NFYC: variants seen among roughly 807,000 people sequenced by gnomAD.
NFYC encodes CAAT box DNA-binding protein subunit C.
In NFYC, 25 loss-of-function variants were observed where a neutral mutation model predicts 53.1. The ratio of observed to expected loss-of-function variants is 0.47; its 90% CI spans 0.34 to 0.66. The LOEUF is 0.66. Among genes scored for constraint, NFYC ranks in the 30% least tolerant of loss-of-function variants. The pLI, the probability that NFYC is intolerant of heterozygous loss-of-function variation, is 0.01. For synonymous variants in NFYC, 145 were observed against 152.6 expected, an observed-to-expected ratio of 0.95 and a Z score of 0.37; for missense variants, 260 against 422.7, an observed-to-expected ratio of 0.62 and a Z score of 3.38.
chr1:40,703,170 C>T (rs1387781035), intron 1 of NFYC, among the ~76,000 whole-genome samples: 1 of 151,998 alleles, frequency 6.6e-6, no homozygotes, highest in Non-Finnish European at 1.5e-5. Flanking sequence ...AAAGATTTGA[C>T]ATTAAAACAG....
chr1:40,731,234 G>T (rs543694906), intron 1 of NFYC, among the ~76,000 whole-genome samples: 3 of 152,228 alleles, frequency 2.0e-5, no homozygotes, highest in African/African-American at 7.2e-5. Context: ...GAGTGCAGTG[G>T]CATGATCTTG....
Position 40,770,576 on chromosome 1 carries a change from C to T in NFYC, c.889-133C>T. 6.2e-7 allele frequency: 1 copy of T among 1,607,790 alleles called. No individual in the cohort carries two copies. Among genetic ancestry groups the T allele is most frequent in the Non-Finnish European group, 8.5e-7 (1 of 1,177,126 alleles). On this transcript the variant is annotated intron_variant, in intron 9 of 9. Coordinates refer to ENST00000447388, the MANE Select transcript of NFYC (RefSeq NM_014223.5). The surrounding 1 kb of genome is among the most constrained non-coding windows in gnomAD (Gnocchi z 5.3). ...CCCAACCCCAGCAGAGCTCCACTTC[C>T]CCTCCTCCTTCTGACGCCTTGCAGT...
In NFYC at chr1:40,733,019, C is replaced by CCCCTT. The variant is rs35467973; in HGVS notation, c.-8-5817_-8-5816insCCCTT. ...GCTTTCCAAGATTCGCCCCCCCCCC[C>CCCCTT]TTTTTTTTTTTTCCTGAAAGGCCAT... On this transcript the variant is annotated intron_variant, in intron 1 of 9. Coordinates refer to ENST00000447388, the MANE Select transcript of NFYC (RefSeq NM_014223.5). Among the ~76,000 whole-genome samples, 5 of 103,188 alleles carry CCCCTT rather than the reference C, an allele frequency of 4.8e-5. No individual in the cohort carries two copies. The South Asian group carries it at 1.8e-3, about 38-fold the overall frequency. The allele number at this position is 103,188 out of a possible 152,430, so 67.7% of individuals were successfully genotyped here.
At chr1:40,746,297 G>A (rs1385107871) in intron 2 of NFYC, among the ~76,000 whole-genome samples, 1 of 152,102 alleles carries the variant, frequency 6.6e-6, no homozygotes, top group East Asian at 1.9e-4. Context: ...AGCTTGTTGG[G>A]TTTGCATGGA....
At chr1:40,703,476 G>T (rs1441367571) in intron 1 of NFYC, among the ~76,000 whole-genome samples, 1 of 10,796 alleles carries the variant, frequency 9.3e-5, no homozygotes, top group African/African-American at 1.1e-3. Context: ...TGGGCAATTA[G>T]CCCTAAAAAA....
intron 4 of NFYC, among the ~76,000 whole-genome samples, 181 bp downstream of exon 4, chr1:40,749,867 G>C (rs1645815415): frequency 6.6e-6 from 1 of 152,184 alleles, no homozygotes; most frequent in African/African-American, 2.4e-5. Flanking sequence ...CACCACTGTT[G>C]GGAGGCAGAC....
rs1158632870 is a variant in NFYC at position 40,771,121 on chromosome 1, T to G, written c.*293T>G. The G allele has an allele frequency of 1.9e-5, 9 of 463,426 alleles. No individual in the cohort carries two copies. Among genetic ancestry groups the G allele is most frequent in the African/African-American group, 5.9e-5 (3 of 51,252 alleles). The allele number at this position is 463,426 out of a possible 1,614,324, so 28.7% of individuals were successfully genotyped here. Reference sequence around the variant, plus strand: ...TATTAAATAACATATTTATGGCATTTTCTTGAAGAGTGTGGTTGAAGAAAT... The same window carrying G: ...TATTAAATAACATATTTATGGCATTGTCTTGAAGAGTGTGGTTGAAGAAAT... On this transcript the variant is annotated 3_prime_UTR_variant, in exon 10 of 10. Transcript: ENST00000447388.
At chr1:40,709,042 T>C (rs1333975067) in intron 1 of NFYC, among the ~76,000 whole-genome samples, 1 of 152,216 alleles carries the variant, frequency 6.6e-6, no homozygotes, top group African/African-American at 2.4e-5. Flanking sequence ...TTAAGAACAA[T>C]TCTAAATTTT....
intron 6 of NFYC, among the ~76,000 whole-genome samples, chr1:40,759,614 A>G (rs1398665300): frequency 6.6e-6 from 1 of 151,222 alleles, no homozygotes; most frequent in Non-Finnish European, 1.5e-5. Context: ...ATATATATGT[A>G]TATGTGTGTG....
At chr1:40,733,500 A>G (rs1471686395) in intron 1 of NFYC, among the ~76,000 whole-genome samples, 1 of 151,400 alleles carries the variant, frequency 6.6e-6, no homozygotes, top group Non-Finnish European at 1.5e-5. Flanking sequence ...AAAAAAAAAT[A>G]GAGAGAAAGA....
chr1:40,749,636 A>G lies in NFYC; in HGVS notation c.241A>G (p.Thr81Ala). 2 of 1,613,996 alleles carry G rather than the reference A, an allele frequency of 1.2e-6. No homozygotes were observed. The highest frequency in any genetic ancestry group is 1.1e-5 in the South Asian group (1 of 91,074). ...KAAQIFITEL[T>A]LRAWIHTEDN... is the part of the protein sequence containing the mutation. ...AGCCCAGATTTTTATCACAGAGTTG[A>G]CTCTTCGAGCCTGGATTCACACAGA... Residue 81 changes from threonine to alanine, a missense_variant, in exon 4 of 10, where the codon ACT (threonine) becomes GCT (alanine). Physicochemically the swap from Thr to Ala is moderately conservative, Grantham distance 58. Coordinates refer to ENST00000447388, the MANE Select transcript of NFYC (RefSeq NM_014223.5).
chr1:40,770,931 C>T lies in NFYC; in HGVS notation c.*103C>T. The T allele has an allele frequency of 1.6e-6, 2 of 1,283,472 alleles. No individual in the cohort carries two copies. Among genetic ancestry groups the T allele is most frequent in the East Asian group, 2.3e-5 (1 of 43,020 alleles). The allele number at this position is 1,283,472 out of a possible 1,614,324, so 79.5% of individuals were successfully genotyped here. A position where few individuals can be genotyped will look rare whatever the true frequency, so the allele number is the denominator to read the frequency against. On this transcript the variant is annotated 3_prime_UTR_variant, in exon 10 of 10. Coordinates refer to ENST00000447388, the MANE Select transcript of NFYC (RefSeq NM_014223.5). The surrounding 1 kb of genome is among the most constrained non-coding windows in gnomAD (Gnocchi z 5.3). ...CCCCAGAGGACCCGGCCGACCTCAGCGCCTCCTGCAGGCTAGGACACTGGT... is the reference window on the plus strand; with the variant it reads ...CCCCAGAGGACCCGGCCGACCTCAGTGCCTCCTGCAGGCTAGGACACTGGT...
In NFYC at chr1:40,735,597, A is replaced by C. The variant is rs1050097417; in HGVS notation, c.-8-3239A>C. 9 of 985,282 alleles carry C rather than the reference A, an allele frequency of 9.1e-6. No individual in the cohort carries two copies. In the African/African-American group the frequency reaches 1.6e-4, roughly 17 times the overall value. 61.0% of individuals were successfully genotyped at this position (985,282 alleles called of 1,614,324 possible). A position where few individuals can be genotyped will look rare whatever the true frequency, so the allele number is the denominator to read the frequency against. On this transcript the variant is annotated intron_variant, in intron 1 of 9. Transcript: ENST00000447388. ...ATTTGTTACCAGACTTTTAAATCGTACAGGTCTTTGTACTCCAACTAAACC... is the reference window on the plus strand; with the variant it reads ...ATTTGTTACCAGACTTTTAAATCGTCCAGGTCTTTGTACTCCAACTAAACC...
intron 1 of NFYC, among the ~76,000 whole-genome samples, chr1:40,698,207 A>G (rs1449962092): frequency 6.6e-6 from 1 of 151,948 alleles, no homozygotes; most frequent in Non-Finnish European, 1.5e-5. Context: ...TACTAAAAAT[A>G]CAAAAATTAG....
chr1:40,724,135 C>T (rs1316735841), intron 1 of NFYC, among the ~76,000 whole-genome samples: 1 of 152,098 alleles, frequency 6.6e-6, no homozygotes, highest in Admixed American at 6.5e-5. Context: ...TTTGGGAGGC[C>T]GAGGTGGGCA....
At chr1:40,761,674 C>T (rs1646551935) in intron 6 of NFYC, among the ~76,000 whole-genome samples, 1 of 152,204 alleles carries the variant, frequency 6.6e-6, no homozygotes, top group Admixed American at 6.5e-5. Context: ...CCTTGAATCT[C>T]ATCTGTCGTT....
At position 40,770,993 on chromosome 1, in the gene NFYC, G is replaced by T; in HGVS notation, c.*165G>T. The T allele has an allele frequency of 1.5e-6, 1 of 649,358 alleles. No homozygotes were observed. Among genetic ancestry groups the T allele is most frequent in the Non-Finnish European group, 2.6e-6 (1 of 380,466 alleles). 40.2% of individuals were successfully genotyped at this position (649,358 alleles called of 1,614,324 possible). A position where few individuals can be genotyped will look rare whatever the true frequency, so the allele number is the denominator to read the frequency against. ...CATGCCTGGGGGCCGAGATTCTCCA[G>T]CAGAAAGATGCAATATTTTTTGTTT... is the stretch of plus-strand genomic sequence containing the variant. On this transcript the variant is annotated 3_prime_UTR_variant, in exon 10 of 10. Transcript: ENST00000447388. The surrounding 1 kb of genome is among the most constrained non-coding windows in gnomAD (Gnocchi z 5.3).
intron 4 of NFYC, 38 bp from the exon 5 acceptor site, chr1:40,753,113 C>G (rs751129056): frequency 1.3e-6 from 2 of 1,500,586 alleles, no homozygotes; most frequent in South Asian, 2.3e-5. Flanking sequence ...CTAGTTTCTC[C>G]CCAGGCTAAT....
chr1:40,743,385 ACTT>A (rs1645451615), intron 2 of NFYC, among the ~76,000 whole-genome samples: 1 of 152,238 alleles, frequency 6.6e-6, no homozygotes, highest in African/African-American at 2.4e-5. Flanking sequence ...CAAATAACAG[ACTT>A]CTTCGTGTTG....
Sources: allele counts gnomAD v4.1 joint callset (sites outside exome capture counted in the v4.1 genomes callset), GRCh38; gene constraint gnomAD v4.1.1; non-coding constraint Gnocchi (gnomAD v3.1); transcripts MANE v1.5; gene names NCBI Gene and HGNC (gene_info 2026-07-23, HGNC 2026-07-21).